OPA1: variants seen among roughly 807,000 people sequenced by gnomAD.
OPA1 encodes OPA1 mitochondrial dynamin like GTPase, also known as dynamin-like GTPase OPA1, mitochondrial.
A neutral mutation model predicts 152.9 loss-of-function variants in OPA1; 59 were observed. The observed-to-expected ratio is 0.39, with a 90% CI of 0.31 to 0.48. The LOEUF (loss-of-function observed/expected upper bound fraction) is 0.48. Ranked by LOEUF, OPA1 falls within the 20% of genes least tolerant of loss-of-function variation. The probability of loss-of-function intolerance (pLI) is 0.96; values close to 1 mark genes in which losing one functional copy is unlikely to be tolerated. For synonymous variants in OPA1, 400 were observed against 389.9 expected, an observed-to-expected ratio of 1.03 and a Z score of -0.31; for missense variants, 1,008 against 1,216.8, an observed-to-expected ratio of 0.83 and a Z score of 2.55.
intron 11 of OPA1, among the ~76,000 whole-genome samples, 157 bp from the exon 12 acceptor site, chr3:193,642,608 C>G (rs1733955320): frequency 6.6e-6 from 1 of 152,190 alleles, no homozygotes; most frequent in Non-Finnish European, 1.5e-5. Context: ...CTTGTCAGAA[C>G]TACCATGTTG....
At chr3:193,679,036 A>G (rs1263622020) in intron 29 of OPA1, among the ~76,000 whole-genome samples, 1 of 152,168 alleles carries the variant, frequency 6.6e-6, no homozygotes, top group Non-Finnish European at 1.5e-5. Context: ...ATGTACAGAA[A>G]ACCAAACACC....
intron 19 of OPA1, 101 bp downstream of exon 19, chr3:193,647,281 C>G: frequency 1.3e-6 from 1 of 749,824 alleles, no homozygotes; most frequent in South Asian, 1.5e-5. Flanking sequence ...TTAACAGTTG[C>G]TTGGTAGTTC....
chr3:193,596,380 C>CTTAA (rs1408059321), intron 1 of OPA1, among the ~76,000 whole-genome samples: 80 of 74,254 alleles, frequency 1.1e-3, no homozygotes, highest in South Asian at 2.4e-3. Flanking sequence ...CTTTTCTTTT[C>CTTAA]TTTTCTTTTC....
At chr3:193,692,258 A>G (rs1167510908) in intron 30 of OPA1, 126 bp downstream of exon 30, 1 of 658,108 alleles carries the variant, frequency 1.5e-6, no homozygotes, top group South Asian at 1.7e-5. Context: ...AATGGCATGA[A>G]TCTCTGAAAC....
chr3:193,692,082 A>G lies in OPA1; in HGVS notation c.3003A>G (p.Gln1001=). ...CCACAGAGAAAGTTAGAGAAATTCA[A>G]GAAAAACTTGATGCTTTCATTGAAG... ...AEDLKKVREI[Q]EKLDAFIEAL... is the part of the protein sequence containing the mutation. Residue 1001 remains glutamine, a synonymous_variant, in exon 30 of 31, where the codon CAA becomes CAG. Coordinates refer to ENST00000361510, the MANE Select transcript of OPA1 (RefSeq NM_130837.3). 1 of 1,548,408 alleles carries G rather than the reference A, an allele frequency of 6.5e-7. No individual in the cohort carries two copies. The highest frequency in any genetic ancestry group is 2.3e-5 in the East Asian group (1 of 43,746).
chr3:193,616,864 T>G (rs1201645273), intron 3 of OPA1, among the ~76,000 whole-genome samples: 2 of 152,248 alleles, frequency 1.3e-5, no homozygotes, highest in Non-Finnish European at 2.9e-5. Context: ...ACGAATCCAT[T>G]TGCAAAAAAA....
intron 29 of OPA1, among the ~76,000 whole-genome samples, chr3:193,678,618 T>G (rs1372904522): frequency 6.6e-6 from 1 of 152,146 alleles, no homozygotes; most frequent in Non-Finnish European, 1.5e-5. Context: ...TTCAGAAATG[T>G]TCATTAAGAG....
At chr3:193,618,613 T>C in intron 5 of OPA1, 1 of 448,744 alleles carries the variant, frequency 2.2e-6, no homozygotes, top group Non-Finnish European at 4.0e-6. Context: ...CTTATTTTTT[T>C]ATTGTAATTT....
chr3:193,633,405 C>T (rs1292855946), intron 8 of OPA1, among the ~76,000 whole-genome samples: 1 of 152,174 alleles, frequency 6.6e-6, no homozygotes, highest in Non-Finnish European at 1.5e-5. Context: ...AAAATGTTTC[C>T]ATCCCCAGAA....
chr3:193,655,682 A>G (rs768715494), intron 22 of OPA1, among the ~76,000 whole-genome samples: 1 of 152,176 alleles, frequency 6.6e-6, no homozygotes, highest in African/African-American at 2.4e-5. Context: ...AAGTAATTAT[A>G]TGTAAAATAC....
At chr3:193,622,748 C>T (rs753452658) in intron 6 of OPA1, among the ~76,000 whole-genome samples, 25 of 152,130 alleles carry the variant, frequency 1.6e-4, no homozygotes, top group Admixed American at 2.6e-4. Flanking sequence ...ACTATCTAAT[C>T]GGCCATTTCT....
chr3:193,659,122 A>G (rs564072670), intron 24 of OPA1, 127 bp downstream of exon 24: 3 of 753,764 alleles, frequency 4.0e-6, no homozygotes, highest in African/African-American at 3.5e-5. Context: ...ATAGTCGAAT[A>G]TTATTTGTGG....
chr3:193,654,746 CTT>C (rs1465439219), intron 21 of OPA1, 114 bp from the exon 22 acceptor site: 1 of 1,109,772 alleles, frequency 9.0e-7, no homozygotes, highest in Admixed American at 2.1e-5. Flanking sequence ...CATGTGAAAA[CTT>C]ATCAAAATTT....
chr3:193,661,404 T>A (rs1202082813), intron 25 of OPA1, among the ~76,000 whole-genome samples: 1 of 152,124 alleles, frequency 6.6e-6, no homozygotes, highest in Non-Finnish European at 1.5e-5. Context: ...TGAGTCAAGC[T>A]CTCCTTCTCT....
chr3:193,617,719 A>G (rs1729287586), intron 4 of OPA1, 65 bp from the exon 5 acceptor site: 1 of 1,201,086 alleles, frequency 8.3e-7, no homozygotes, highest in African/African-American at 1.5e-5. Context: ...GATCTCAGAC[A>G]TCTTTGTTTG....
intron 1 of OPA1, among the ~76,000 whole-genome samples, chr3:193,600,690 G>A (rs1261772734): frequency 2.0e-5 from 3 of 152,150 alleles, no homozygotes; most frequent in Non-Finnish European, 4.4e-5. Context: ...ACTTAAAGAG[G>A]TGCTCGTTTT....
chr3:193,679,288 A>G (rs1207444346), intron 29 of OPA1, among the ~76,000 whole-genome samples: 1 of 152,132 alleles, frequency 6.6e-6, no homozygotes, highest in Non-Finnish European at 1.5e-5. Context: ...AAAGGTTTCA[A>G]AACTCATAAA....
chr3:193,612,444 A>G (rs934465041), intron 1 of OPA1, among the ~76,000 whole-genome samples: 1 of 152,056 alleles, frequency 6.6e-6, no homozygotes, highest in African/African-American at 2.4e-5. Context: ...TAAGCTTTTC[A>G]TTTGGTTTTT....
In OPA1 at chr3:193,594,333, T is replaced by G. The variant is rs116421139; in HGVS notation, c.32+924T>G. Among the ~76,000 whole-genome samples, 1,302 of 152,324 alleles carry G rather than the reference T, an allele frequency of 8.5e-3. 5 individuals carry two copies. Among genetic ancestry groups the G allele is most frequent in the East Asian group, 0.029 (151 of 5,174 alleles). On this transcript the variant is annotated intron_variant, in intron 1 of 30. Coordinates refer to ENST00000361510, the MANE Select transcript of OPA1 (RefSeq NM_130837.3). ...TGTTTTGAATTTTTTCCAGACCTTT[T>G]TAAGTGGTATAGATAATTTATCGTG...
Sources: gnomAD v4.1 joint callset for allele counts (sites outside exome capture counted in the v4.1 genomes callset) on GRCh38, gnomAD v4.1.1 for gene constraint, MANE v1.5 for transcripts, NCBI Gene and HGNC (gene_info 2026-07-23, HGNC 2026-07-21) for gene names.